Variants in RNF185 observed in about 807,000 individuals in gnomAD.
RNF185 encodes the protein E3 ubiquitin-protein ligase RNF185.
A neutral mutation model predicts 24.9 loss-of-function variants in RNF185; 13 were observed. The ratio of observed to expected loss-of-function variants is 0.52; its 90% CI spans 0.34 to 0.83. RNF185 has a LOEUF of 0.83. RNF185 is among the 40% of genes least tolerant of loss of function. The probability of loss-of-function intolerance (pLI) is 0.01; values close to 1 mark genes in which losing one functional copy is unlikely to be tolerated. For missense variants in RNF185, 184 were observed against 244.7 expected, an observed-to-expected ratio of 0.75 and a Z score of 1.65; for synonymous variants, 79 against 90.3, an observed-to-expected ratio of 0.88 and a Z score of 0.71.
chr22:31,188,842 T>C (rs182703638), intron 2 of RNF185, among the ~76,000 whole-genome samples: 39 of 151,116 alleles, frequency 2.6e-4, no homozygotes, highest in Admixed American at 6.6e-4. Flanking sequence ...TATTCTGGGC[T>C]GGGCGCGGTG....
intron 1 of RNF185, among the ~76,000 whole-genome samples, chr22:31,166,930 G>A (rs1215086956): frequency 6.6e-6 from 1 of 152,054 alleles, no homozygotes; most frequent in Non-Finnish European, 1.5e-5. Flanking sequence ...GATTACAGGC[G>A]TGAGCCACCA....
intron 1 of RNF185, among the ~76,000 whole-genome samples, chr22:31,184,264 T>C (rs1434430640): frequency 6.7e-6 from 1 of 148,404 alleles, no homozygotes; most frequent in Non-Finnish European, 1.5e-5. Flanking sequence ...GAGACACTCC[T>C]CAGTTCCCAG....
At chr22:31,175,029 C>T (rs1275415339) in intron 1 of RNF185, among the ~76,000 whole-genome samples, 4 of 150,238 alleles carry the variant, frequency 2.7e-5, no homozygotes, top group Non-Finnish European at 4.4e-5. Flanking sequence ...GCCGAGATCG[C>T]GCCGTTGCAC....
At chr22:31,197,040 A>G (rs1216748766) in intron 5 of RNF185, 50 bp downstream of exon 5, 1 of 1,611,406 alleles carries the variant, frequency 6.2e-7, no homozygotes, top group Non-Finnish European at 8.5e-7. Context: ...ATGGCTTTAG[A>G]AGTTTCCTTC....
intron 1 of RNF185, among the ~76,000 whole-genome samples, chr22:31,163,214 T>C (rs1923689615): frequency 6.6e-6 from 1 of 152,220 alleles, no homozygotes; most frequent in African/African-American, 2.4e-5. Flanking sequence ...GGTGCTTTAA[T>C]GCTACTCAGT....
chr22:31,201,210 C>T (rs558729079), intron 5 of RNF185, among the ~76,000 whole-genome samples: 1 of 152,324 alleles, frequency 6.6e-6, no homozygotes, highest in Admixed American at 6.5e-5. Context: ...TGAGTGCTGA[C>T]TTATGTCAGC....
chr22:31,195,652 CT>C (rs1351835806), intron 4 of RNF185, 71 bp downstream of exon 4: 1 of 934,646 alleles, frequency 1.1e-6, no homozygotes, highest in South Asian at 1.5e-5. Context: ...TCAGCATCCC[CT>C]AACCCCACCC....
At chr22:31,160,840 G>A (rs1204351836) in intron 1 of RNF185, among the ~76,000 whole-genome samples, 4 of 152,218 alleles carry the variant, frequency 2.6e-5, no homozygotes, top group South Asian at 2.1e-4. Context: ...TCTCTGAGAT[G>A]CCGGCTTTAC....
At chr22:31,169,616 A>C (rs1602789392) in intron 1 of RNF185, among the ~76,000 whole-genome samples, 1 of 151,944 alleles carries the variant, frequency 6.6e-6, no homozygotes, top group East Asian at 1.9e-4. Flanking sequence ...GCGTGATCTC[A>C]GCTCACTGCA....
At chr22:31,166,356 C>T (rs1923919634) in intron 1 of RNF185, among the ~76,000 whole-genome samples, 2 of 152,146 alleles carry the variant, frequency 1.3e-5, no homozygotes, top group African/African-American at 2.4e-5. Flanking sequence ...CTAGTCATCC[C>T]TAGCTCTAGT....
At chr22:31,164,009 T>G (rs1276582087) in intron 1 of RNF185, among the ~76,000 whole-genome samples, 2 of 150,290 alleles carry the variant, frequency 1.3e-5, no homozygotes, top group African/African-American at 4.9e-5. Context: ...TAGATGGAGT[T>G]TCACTCTTGT....
rs185693287 is a variant in RNF185, at chr22:31,197,617, G to A, written c.363+627G>A. Among the ~76,000 whole-genome samples the A allele has an allele frequency of 6.6e-5, 10 of 152,302 alleles. No individual in the cohort carries two copies. The East Asian group carries it at 1.2e-3, about 18-fold the overall frequency. On this transcript the variant is annotated intron_variant, in intron 5 of 6. Coordinates refer to ENST00000326132, the MANE Select transcript of RNF185 (RefSeq NM_152267.4). The stretch of plus-strand genomic sequence containing the variant: ...GTAGCCCAGGCTGGAGTGCAGTGGT[G>A]TGATCACAGTTCACTGTAGCCTCGA...
intron 1 of RNF185, among the ~76,000 whole-genome samples, chr22:31,172,801 A>T (rs539620198): frequency 6.6e-6 from 1 of 151,508 alleles, no homozygotes; most frequent in Admixed American, 6.6e-5. Flanking sequence ...TTTTCTCATG[A>T]CAAAGGGATG....
At chr22:31,181,515 C>G (rs1434899622) in intron 1 of RNF185, among the ~76,000 whole-genome samples, 2 of 152,060 alleles carry the variant, frequency 1.3e-5, no homozygotes, top group Non-Finnish European at 2.9e-5. Context: ...AAATCCCAAA[C>G]ATTGTATTGC....
In RNF185 at chr22:31,205,213, T is replaced by C. The variant is rs1044311607; in HGVS notation, c.*627T>C. ...AATTCACCAGAGACTCAAAGATCTT[T>C]TATTGGCTCTGGGCTGTGCTCAGTG... is the stretch of plus-strand genomic sequence containing the variant. On this transcript the variant is annotated 3_prime_UTR_variant, in exon 7 of 7. Coordinates refer to ENST00000326132, the MANE Select transcript of RNF185 (RefSeq NM_152267.4). The C allele has an allele frequency of 3.5e-5, 6 of 171,516 alleles. No individual in the cohort carries two copies. Among genetic ancestry groups the C allele is most frequent in the African/African-American group, 1.4e-4 (6 of 41,528 alleles). The allele number at this position is 171,516 out of a possible 1,614,324, so 10.6% of individuals were successfully genotyped here.
At chr22:31,195,139 G>A (rs1009700805) in intron 3 of RNF185, among the ~76,000 whole-genome samples, 4 of 152,050 alleles carry the variant, frequency 2.6e-5, no homozygotes, top group Admixed American at 2.6e-4. Flanking sequence ...TTTTAGTAGA[G>A]ACGGGGTTTC....
At chr22:31,204,393 GAGATAA>G in intron 6 of RNF185, 90 bp from the exon 7 acceptor site, 1 of 762,610 alleles carries the variant, frequency 1.3e-6, no homozygotes, top group Non-Finnish European at 2.4e-6. Context: ...ATGTTGTAAA[GAGATAA>G]AGATTGATGC....
chr22:31,187,160 G>A lies in RNF185; in HGVS notation c.66G>A (p.Gly22=), dbSNP rs774510453. 1 of 1,613,826 alleles carries A rather than the reference G, an allele frequency of 6.2e-7. No homozygotes were observed. Residue 22 remains glycine (G), a synonymous_variant, in exon 2 of 7, where the codon GGG becomes GGA. Coordinates refer to ENST00000326132, the MANE Select transcript of RNF185 (RefSeq NM_152267.4). ...ACTCCAGTGCAGGGGGGCCCAGTGG[G>A]AGCAGCAATGGCGCTGGCGAGAGCG... ...PENSSAGGPS[G]SSNGAGESGG... is the part of the protein sequence containing the mutation.
At chr22:31,185,954 A>G (rs1393876533) in intron 1 of RNF185, among the ~76,000 whole-genome samples, 6 of 152,192 alleles carry the variant, frequency 3.9e-5, no homozygotes, top group Non-Finnish European at 5.9e-5. Flanking sequence ...TAGCCAAGGT[A>G]ACTGCAGTTT....
Sources: allele counts gnomAD v4.1 joint callset (sites outside exome capture counted in the v4.1 genomes callset), GRCh38; gene constraint gnomAD v4.1.1; transcripts MANE v1.5; gene names NCBI Gene and HGNC (gene_info 2026-07-23, HGNC 2026-07-21).